The following PLXNC1 variants were observed in gnomAD, a reference collection of about 807,000 sequenced individuals.
The protein encoded by PLXNC1 is plexin C1, also known as plexin-C1.
A neutral mutation model predicts 178.2 loss-of-function variants in PLXNC1; 75 were observed. The observed-to-expected ratio is 0.42, with a 90% confidence interval of 0.35 to 0.51. PLXNC1 has a LOEUF of 0.51. PLXNC1 is among the 20% of genes least tolerant of loss of function. The pLI, the probability that PLXNC1 is intolerant of heterozygous loss-of-function variation, is 0.02. For synonymous variants in PLXNC1, 790 were observed against 779.9 expected, an observed-to-expected ratio of 1.01 and a Z score of -0.22; for missense variants, 1,503 against 1,984.4, an observed-to-expected ratio of 0.76 and a Z score of 4.61.
rs1205512956 is a variant in PLXNC1 at position 94,307,484 on chromosome 12, T to C, written c.*2199T>C. ...ATTTTCAAGTTTCTTTGCATATTTTTTTGGTGCAAAACCATTTATAAACTT... is the reference window on the plus strand; with the variant it reads ...ATTTTCAAGTTTCTTTGCATATTTTCTTGGTGCAAAACCATTTATAAACTT... On this transcript the variant is annotated 3_prime_UTR_variant, in exon 31 of 31. Transcript: ENST00000258526. The C allele has an allele frequency of 6.6e-6, 1 of 152,234 alleles. No individual in the cohort carries two copies. Among genetic ancestry groups the C allele is most frequent in the African/African-American group, 2.4e-5 (1 of 41,472 alleles). 9.4% of individuals were successfully genotyped at this position (152,234 alleles called of 1,614,324 possible). A position where few individuals can be genotyped will look rare whatever the true frequency, so the allele number is the denominator to read the frequency against.
chr12:94,215,644 A>G (rs1963626015), intron 5 of PLXNC1, among the ~76,000 whole-genome samples: 1 of 152,172 alleles, frequency 6.6e-6, no homozygotes, highest in African/African-American at 2.4e-5. Flanking sequence ...ATATAGATTC[A>G]TAGAATATAG....
At chr12:94,201,891 C>T (rs908612469) in intron 4 of PLXNC1, among the ~76,000 whole-genome samples, 2 of 150,000 alleles carry the variant, frequency 1.3e-5, no homozygotes, top group African/African-American at 2.5e-5. Context: ...CTCAGCTTCC[C>T]GAGTAGCTGG....
intron 1 of PLXNC1, among the ~76,000 whole-genome samples, chr12:94,156,258 G>C (rs1200947590): frequency 2.0e-5 from 3 of 152,202 alleles, no homozygotes; most frequent in African/African-American, 7.2e-5. Flanking sequence ...CGGGCTCCTT[G>C]ATATGCAGTT....
chr12:94,195,771 G>A (rs919972186), intron 4 of PLXNC1, among the ~76,000 whole-genome samples: 2 of 152,156 alleles, frequency 1.3e-5, no homozygotes, highest in African/African-American at 4.8e-5. Context: ...TTTCTCGCTC[G>A]GTCTAACAGC....
At position 94,226,446 on chromosome 12, in the gene PLXNC1, C is replaced by G. The variant is rs1963941156; in HGVS notation, c.1791-159C>G. On this transcript the variant is annotated intron_variant, in intron 7 of 30. Coordinates refer to ENST00000258526, the MANE Select transcript of PLXNC1 (RefSeq NM_005761.3). ...TCCGGCCCATCAACCTGAGGGCTTCCAAGAGCAGGGCACAAAGCCTCACAG... is the reference window on the plus strand; with the variant it reads ...TCCGGCCCATCAACCTGAGGGCTTCGAAGAGCAGGGCACAAAGCCTCACAG... 5.3e-6 allele frequency: 3 copies of G among 569,882 alleles called. No homozygotes were observed. The East Asian group carries it at 9.3e-5, about 18-fold the overall frequency. The allele number at this position is 569,882 out of a possible 1,614,324, so 35.3% of individuals were successfully genotyped here.
chr12:94,260,338 G>A lies in PLXNC1; in HGVS notation c.3252-304G>A, dbSNP rs571092710. On this transcript the variant is annotated intron_variant, in intron 19 of 30. Coordinates refer to ENST00000258526, the MANE Select transcript of PLXNC1 (RefSeq NM_005761.3). The surrounding 1 kb of genome is among the most constrained non-coding windows in gnomAD (Gnocchi z 4.4). ...CTCCTAAAGTGCTGGGATTATAGGC[G>A]TGAACCACCATGCCCGGCCCATAAA... is the stretch of plus-strand genomic sequence containing the variant. 5.3e-5 allele frequency among the ~76,000 whole-genome samples: 8 copies of A among 152,108 alleles called. No individual in the cohort carries two copies. Among genetic ancestry groups the A allele is most frequent in the South Asian group, 2.1e-4 (1 of 4,802 alleles).
chr12:94,159,573 G>A (rs1565786088), intron 1 of PLXNC1, among the ~76,000 whole-genome samples: 1 of 152,324 alleles, frequency 6.6e-6, no homozygotes, highest in African/African-American at 2.4e-5. Flanking sequence ...GTTGAGGCTA[G>A]GGAGGTAGAG....
intron 5 of PLXNC1, among the ~76,000 whole-genome samples, chr12:94,212,597 T>C (rs1963514228): frequency 6.6e-6 from 1 of 152,078 alleles, no homozygotes; most frequent in South Asian, 2.1e-4. Flanking sequence ...GTCTTTGTGA[T>C]AGTTTGCTGA....
Position 94,305,403 on chromosome 12 carries a change from A to C in PLXNC1, c.*118A>C. On this transcript the variant is annotated 3_prime_UTR_variant, in exon 31 of 31. Coordinates refer to ENST00000258526, the MANE Select transcript of PLXNC1 (RefSeq NM_005761.3). ...TTTGCACATAGGTTCCACTTTGGGC[A>C]CTGTCTTTTTAAGAGACCAAGGCAC... 1 of 641,208 alleles carries C rather than the reference A, an allele frequency of 1.6e-6. No individual in the cohort carries two copies. The highest frequency in any genetic ancestry group is 2.8e-6 in the Non-Finnish European group (1 of 359,924). 39.7% of individuals were successfully genotyped at this position (641,208 alleles called of 1,614,324 possible).
chr12:94,179,851 T>A (rs1298936211), intron 2 of PLXNC1, among the ~76,000 whole-genome samples: 1 of 152,086 alleles, frequency 6.6e-6, no homozygotes, highest in Admixed American at 6.5e-5. Flanking sequence ...TCTTTCATAG[T>A]TCTTATTTGA....
intron 4 of PLXNC1, among the ~76,000 whole-genome samples, chr12:94,188,752 T>G (rs1325649708): frequency 6.6e-6 from 1 of 152,002 alleles, no homozygotes; most frequent in Non-Finnish European, 1.5e-5. Flanking sequence ...TTTCAGCAGG[T>G]GGAAGAAAAT....
chr12:94,220,526 G>A (rs10507034), intron 6 of PLXNC1, among the ~76,000 whole-genome samples: 30,026 of 152,160 alleles, frequency 0.2, 3,115 homozygotes, highest in Middle Eastern at 0.26. Context: ...TGTTCCATCA[G>A]TTTGAGTTCA....
intron 21 of PLXNC1, chr12:94,277,144 T>G (rs1288876067): frequency 1.3e-5 from 2 of 152,006 alleles, no homozygotes; most frequent in African/African-American, 4.8e-5. Context: ...AGATCAAGAG[T>G]TGGTGTCCTG....
At chr12:94,223,781 A>C (rs1258489054) in intron 6 of PLXNC1, among the ~76,000 whole-genome samples, 2 of 152,302 alleles carry the variant, frequency 1.3e-5, no homozygotes, top group East Asian at 3.9e-4. Context: ...TACACTTTAG[A>C]GTATGTTAGG....
rs1213894973 is a variant in PLXNC1 at position 94,248,019 on chromosome 12, T to C, written c.2505T>C (p.Cys835=). The C allele has an allele frequency of 1.2e-6, 2 of 1,614,200 alleles. No homozygotes were observed. Among genetic ancestry groups the C allele is most frequent in the Non-Finnish European group, 1.7e-6 (2 of 1,180,012 alleles). The change falls in exon 13 of 31, where the codon TGT becomes TGC. Residue 835 remains cysteine, a synonymous_variant. Transcript: ENST00000258526. ...GAGTACAAGACACCTACTTGGATTG[T>C]GGAACCCTGCAGTATCGGGAGGACC... ...KLRVQDTYLD[C]GTLQYREDPR...
intron 4 of PLXNC1, among the ~76,000 whole-genome samples, chr12:94,188,618 C>T (rs1365549415): frequency 2.0e-5 from 3 of 152,168 alleles, no homozygotes; most frequent in African/African-American, 7.2e-5. Context: ...GCCACCACGC[C>T]CAGCCAGTTT....
intron 7 of PLXNC1, chr12:94,226,340 G>A: frequency 2.8e-6 from 1 of 355,004 alleles, no homozygotes. Context: ...TTCAGAAACA[G>A]ATTCATTGGG....
intron 2 of PLXNC1, among the ~76,000 whole-genome samples, chr12:94,174,935 TC>T (rs1361081564): frequency 2.0e-5 from 3 of 152,234 alleles, no homozygotes; most frequent in African/African-American, 7.2e-5. Flanking sequence ...AATCCACAAA[TC>T]TAGAACCTGT....
At chr12:94,190,511 A>C (rs1314063833) in intron 4 of PLXNC1, among the ~76,000 whole-genome samples, 1 of 152,074 alleles carries the variant, frequency 6.6e-6, no homozygotes, top group Non-Finnish European at 1.5e-5. Flanking sequence ...AAAGTGTTAG[A>C]ATTAGAGACG....
Sources: allele counts gnomAD v4.1 joint callset (sites outside exome capture counted in the v4.1 genomes callset), GRCh38; gene constraint gnomAD v4.1.1; non-coding constraint Gnocchi (gnomAD v3.1); transcripts MANE v1.5; gene names NCBI Gene and HGNC (gene_info 2026-07-23, HGNC 2026-07-21).